GPM6B: variants seen among roughly 807,000 people sequenced by gnomAD.
The protein encoded by GPM6B is glycoprotein M6B, also known as neuronal membrane glycoprotein M6-b.
GPM6B carries 4 observed loss-of-function variants against 27.2 expected under a neutral mutation model. The ratio of observed to expected loss-of-function variants is 0.15; its 90% CI spans 0.07 to 0.34. The LOEUF (loss-of-function observed/expected upper bound fraction) is 0.34, where lower values mean the gene tolerates loss of function less well. Ranked by LOEUF, GPM6B falls within the 10% of genes least tolerant of loss-of-function variation. The probability of loss-of-function intolerance (pLI) is 1.00; values close to 1 mark genes in which losing one functional copy is unlikely to be tolerated. For missense variants in GPM6B, 183 were observed against 261.9 expected (o/e 0.70, Z 2.08); for synonymous variants, 124 against 103.1 (o/e 1.20, Z -1.23).
In GPM6B at chrX:13,772,290, T is replaced by C. The variant is rs1395905899; in HGVS notation, c.*591A>G. ...AATTTTAGCATTATTGAAAAATATA[T>C]TTCTGATTGGCTCAGGAAATTAATG... On this transcript the variant is annotated 3_prime_UTR_variant, in exon 8 of 8. Coordinates refer to ENST00000316715, the MANE Select transcript of GPM6B (RefSeq NM_001001995.3). 8.9e-6 allele frequency: 1 copy of C among 112,243 alleles called. No homozygotes were observed. The highest frequency in any genetic ancestry group is 1.9e-5 in the Non-Finnish European group (1 of 53,177). 9.3% of individuals were successfully genotyped at this position (112,243 alleles called of 1,213,427 possible).
intron 1 of GPM6B, among the ~76,000 whole-genome samples, chrX:13,857,421 T>C (rs1365843051): frequency 1.8e-5 from 2 of 112,362 alleles, no homozygotes; most frequent in Non-Finnish European, 3.8e-5. Context: ...ATGTCATATA[T>C]AACTTTCCAC....
chrX:13,772,770 G>GTGTT lies in GPM6B; in HGVS notation c.*107_*110dup, dbSNP rs1387474427. 30 of 674,821 alleles carry GTGTT rather than the reference G, an allele frequency of 4.4e-5. No homozygotes were observed. The highest frequency in any genetic ancestry group is 3.5e-4 in the South Asian group (10 of 28,937). The allele number at this position is 674,821 out of a possible 1,213,427, so 55.6% of individuals were successfully genotyped here. ...CCAGCAGCTTGAGACAGACAGTGAA[G>GTGTT]TGTTTGTACATCTACATTAGTTTGG... On this transcript the variant is annotated 3_prime_UTR_variant, in exon 8 of 8. Coordinates refer to ENST00000316715, the MANE Select transcript of GPM6B (RefSeq NM_001001995.3).
At chrX:13,814,655 A>T (rs1203094368) in intron 1 of GPM6B, among the ~76,000 whole-genome samples, 1 of 112,203 alleles carries the variant, frequency 8.9e-6, no homozygotes. Context: ...CTTAATGATG[A>T]TGGGTGAGCA....
intron 1 of GPM6B, among the ~76,000 whole-genome samples, chrX:13,932,473 G>A (rs1309863874): frequency 8.9e-6 from 1 of 112,124 alleles, no homozygotes; most frequent in African/African-American, 3.2e-5. Context: ...AATGACTGTG[G>A]TTATTTGAGA....
chrX:13,843,132 A>C (rs111843247), intron 1 of GPM6B, among the ~76,000 whole-genome samples: 71 of 112,058 alleles, frequency 6.3e-4, no homozygotes, highest in African/African-American at 2.3e-3. Flanking sequence ...GTTCAAAGCA[A>C]CCATTAGGAG....
chrX:13,928,565 A>T (rs1039017198), intron 1 of GPM6B, among the ~76,000 whole-genome samples: 1 of 112,504 alleles, frequency 8.9e-6, no homozygotes. Context: ...CAAAAAGGAA[A>T]ATATAAAGTA....
intron 1 of GPM6B, among the ~76,000 whole-genome samples, chrX:13,886,380 G>A (rs2050134738): frequency 9.1e-6 from 1 of 110,480 alleles, no homozygotes; most frequent in East Asian, 2.8e-4. Context: ...TCATCTTTAT[G>A]TTTATAGTAC....
At chrX:13,849,644 A>G (rs187764130) in intron 1 of GPM6B, among the ~76,000 whole-genome samples, 126 of 112,473 alleles carry the variant, frequency 1.1e-3, no homozygotes, top group African/African-American at 4.0e-3. Flanking sequence ...CAAGAAAGTA[A>G]AAATCAATTT....
intron 2 of GPM6B, among the ~76,000 whole-genome samples, chrX:13,801,439 TAG>T (rs761675383): frequency 2.5e-4 from 28 of 112,320 alleles, no homozygotes; most frequent in African/African-American, 9.1e-4. Context: ...CATCAGTAGA[TAG>T]AGTATTGCAT....
chrX:13,783,397 T>C lies in GPM6B; in HGVS notation c.493A>G (p.Thr165Ala). The C allele has an allele frequency of 8.3e-7, 1 of 1,203,200 alleles. No individual in the cohort carries two copies. The highest frequency in any genetic ancestry group is 1.1e-6 in the Non-Finnish European group (1 of 891,266). The change falls in exon 4 of 8, where the codon ACA becomes GCA. Residue 165 changes from threonine to alanine, a missense_variant. Thr to Ala is a moderately conservative substitution (Grantham distance 58, BLOSUM62 0). Coordinates refer to ENST00000316715, the MANE Select transcript of GPM6B (RefSeq NM_001001995.3). The part of the protein sequence containing the change: ...AVKELHGEFK[T>A]TACGRCISGM... The stretch of plus-strand genomic sequence containing the variant: ...CTGATGCATCGGCCACAAGCGGTTG[T>C]TTTAAACTCACCGTGCAGTTCTTTC...
chrX:13,900,291 TTAAA>T (rs1468882580), intron 1 of GPM6B, among the ~76,000 whole-genome samples: 2 of 111,900 alleles, frequency 1.8e-5, no homozygotes, highest in East Asian at 2.8e-4. Context: ...TTTACACACA[TTAAA>T]TAGTTAAGAA....
rs149110161 is a variant in GPM6B, at chrX:13,833,867, G to T, written c.-197-48059C>A. 9.3e-3 allele frequency among the ~76,000 whole-genome samples: 1,047 copies of T among 112,831 alleles called. 11 individuals carry two copies. The highest frequency in any genetic ancestry group is 0.032 in the African/African-American group (992 of 31,078). On this transcript the variant is annotated intron_variant, in intron 1 of 6. Coordinates refer to the GPM6B transcript ENST00000398361. ...TAAGTGATGGCTTTCAATTCAGAGA[G>T]GAAGGTTTCTAGTGCTCTGCCATTG...
intron 2 of GPM6B, among the ~76,000 whole-genome samples, chrX:13,787,041 CAAAAAAAAAAAA>C (rs869123073): frequency 2.9e-4 from 7 of 24,508 alleles, no homozygotes; most frequent in African/African-American, 6.2e-4. Flanking sequence ...ATTAAGCCAG[CAAAAAAAAAAAA>C]AAAAAAAAAA....
intron 2 of GPM6B, among the ~76,000 whole-genome samples, chrX:13,804,756 T>C (rs1310624744): frequency 2.8e-5 from 3 of 105,448 alleles, no homozygotes; most frequent in Non-Finnish European, 5.8e-5. Context: ...TCAAAACCTC[T>C]TTTTCCCCCA....
chrX:13,878,944 C>T (rs754255977), intron 1 of GPM6B, among the ~76,000 whole-genome samples: 4 of 112,138 alleles, frequency 3.6e-5, no homozygotes, highest in Non-Finnish European at 7.5e-5. Context: ...GAAATGGATT[C>T]TCCCCTAGGG....
chrX:13,774,622 C>T, intron 7 of GPM6B: 1 of 1,200,166 alleles, frequency 8.3e-7, no homozygotes, highest in South Asian at 1.8e-5. Context: ...TCATGTAGAT[C>T]AGCTGGTGGA....
At chrX:13,826,841 A>T (rs2049379572) in intron 1 of GPM6B, among the ~76,000 whole-genome samples, 1 of 110,312 alleles carries the variant, frequency 9.1e-6, no homozygotes, top group African/African-American at 3.3e-5. Flanking sequence ...CATGCTTCCT[A>T]ATTATTACAT....
intron 1 of GPM6B, among the ~76,000 whole-genome samples, chrX:13,909,727 A>C (rs2050362000): frequency 9.0e-6 from 1 of 111,469 alleles, no homozygotes; most frequent in Admixed American, 9.6e-5. Context: ...GCCGAAGCTC[A>C]GAAAGGTTAA....
At chrX:13,784,436 A>G (rs1042422876) in intron 3 of GPM6B, among the ~76,000 whole-genome samples, 1 of 111,976 alleles carries the variant, frequency 8.9e-6, no homozygotes, top group Non-Finnish European at 1.9e-5. Flanking sequence ...ACCTGTGTTC[A>G]TTTCTTTGGA....
Sources: allele counts gnomAD v4.1 joint callset (sites outside exome capture counted in the v4.1 genomes callset), GRCh38; gene constraint gnomAD v4.1.1; transcripts MANE v1.5; gene names NCBI Gene and HGNC (gene_info 2026-07-23, HGNC 2026-07-21).